SNTG2: variants seen among roughly 807,000 people sequenced by gnomAD.
SNTG2 encodes syntrophin gamma 2, also known as gamma-2-syntrophin.
Under a neutral mutation model 70.9 loss-of-function variants are expected in SNTG2, and 74 were observed. The ratio of observed to expected loss-of-function variants is 1.04; its 90% CI spans 0.86 to 1.27. SNTG2 has a LOEUF of 1.27. Among genes scored for constraint, SNTG2 ranks in the 50% most tolerant of loss-of-function variants. The probability of loss-of-function intolerance (pLI) is 0.00; values close to 1 mark genes in which losing one functional copy is unlikely to be tolerated. For missense variants in SNTG2, 717 were observed against 690.7 expected, an observed-to-expected ratio of 1.04 and a Z score of -0.43; for synonymous variants, 278 against 273.8, an observed-to-expected ratio of 1.02 and a Z score of -0.15.
intron 1 of SNTG2, among the ~76,000 whole-genome samples, chr2:982,996 GGTCAGGATGAAGAAGCTGCAGAGGTGAT>G (rs1331371574): frequency 2.7e-4 from 40 of 150,196 alleles, no homozygotes; most frequent in East Asian, 1.2e-3. Context: ...CAGGGGTGGT[GGTCAGGATGAAGAAGCTGCAGAGGTGAT>G]GTCAGGATGA....
chr2:1,246,232 A>G (rs910740905), intron 11 of SNTG2, among the ~76,000 whole-genome samples: 2 of 152,252 alleles, frequency 1.3e-5, no homozygotes, highest in Non-Finnish European at 2.9e-5. Context: ...TCCCCGCCCT[A>G]CAAGACAGTG....
At chr2:1,238,191 C>T (rs899720433) in intron 10 of SNTG2, among the ~76,000 whole-genome samples, 174 bp downstream of exon 10, 3 of 152,068 alleles carry the variant, frequency 2.0e-5, no homozygotes, top group Non-Finnish European at 4.4e-5. Flanking sequence ...AGAATGTTTC[C>T]AAATCAAAGA....
intron 16 of SNTG2, chr2:1,341,212 CTG>C (rs1399161413): frequency 6.6e-6 from 1 of 152,190 alleles, no homozygotes; most frequent in Non-Finnish European, 1.5e-5. Flanking sequence ...CCCTTGAACT[CTG>C]TGCTTTCTGT....
intron 7 of SNTG2, among the ~76,000 whole-genome samples, chr2:1,168,123 C>T (rs1269275961): frequency 2.4e-4 from 34 of 140,444 alleles, no homozygotes; most frequent in East Asian, 2.3e-4. Flanking sequence ...GCCTACAGGC[C>T]GCCCACAGAC....
chr2:1,122,926 AAATCAAAAC>A (rs1277320112), intron 4 of SNTG2, among the ~76,000 whole-genome samples: 51 of 112,588 alleles, frequency 4.5e-4, no homozygotes, highest in African/African-American at 2.1e-3. Flanking sequence ...GCTGAAAAAG[AAATCAAAAC>A]AATCCCATTT....
chr2:1,021,955 T>TC (rs56923842), intron 1 of SNTG2, among the ~76,000 whole-genome samples: 2 of 141,846 alleles, frequency 1.4e-5, no homozygotes, highest in Non-Finnish European at 3.1e-5. Context: ...TTTTTTTTTT[T>TC]AGTGAAAACA....
intron 14 of SNTG2, among the ~76,000 whole-genome samples, chr2:1,303,222 T>C (rs1022847339): frequency 6.6e-6 from 1 of 152,220 alleles, no homozygotes; most frequent in Non-Finnish European, 1.5e-5. Context: ...ATGCAACTTT[T>C]AGCAGGATCA....
chr2:1,123,026 T>A (rs1032962017), intron 4 of SNTG2, among the ~76,000 whole-genome samples: 2 of 152,040 alleles, frequency 1.3e-5, no homozygotes, highest in African/African-American at 4.8e-5. Context: ...CAATGAAAAC[T>A]GTAAAATATT....
chr2:1,227,846 G>A (rs943202614), intron 9 of SNTG2, among the ~76,000 whole-genome samples: 1 of 152,208 alleles, frequency 6.6e-6, no homozygotes, highest in Non-Finnish European at 1.5e-5. Context: ...AGTTCTGCTG[G>A]GTGTAAGCGA....
At chr2:1,053,039 C>A (rs1662164749) in intron 1 of SNTG2, among the ~76,000 whole-genome samples, 1 of 152,168 alleles carries the variant, frequency 6.6e-6, no homozygotes, top group African/African-American at 2.4e-5. Flanking sequence ...TTTCCATTGC[C>A]ACATATGTGA....
intron 16 of SNTG2, among the ~76,000 whole-genome samples, chr2:1,331,045 T>C (rs72770680): frequency 0.12 from 18,469 of 152,216 alleles, 1,278 homozygotes; most frequent in Admixed American, 0.2. Flanking sequence ...GGGCAGCAGA[T>C]TGACCATTTC....
chr2:1,105,824 C>T (rs751356902), intron 4 of SNTG2, among the ~76,000 whole-genome samples: 9 of 152,186 alleles, frequency 5.9e-5, no homozygotes, highest in Non-Finnish European at 8.8e-5. Flanking sequence ...CTCCTCCCTG[C>T]TCCGATGCAT....
intron 1 of SNTG2, among the ~76,000 whole-genome samples, chr2:1,071,574 C>T (rs957707383): frequency 8.0e-5 from 12 of 150,706 alleles, no homozygotes; most frequent in Non-Finnish European, 1.0e-4. Context: ...GTGGGTGCAG[C>T]GCACCAGCAC....
At chr2:1,163,098 C>G (rs1375040054) in intron 6 of SNTG2, 3 of 151,560 alleles carry the variant, frequency 2.0e-5, no homozygotes, top group African/African-American at 7.3e-5. Context: ...TGGAAGTGGG[C>G]TTTTGAGGGA....
At chr2:1,200,957 G>C (rs941596336) in intron 8 of SNTG2, among the ~76,000 whole-genome samples, 1 of 151,930 alleles carries the variant, frequency 6.6e-6, no homozygotes, top group Non-Finnish European at 1.5e-5. Flanking sequence ...AGAAATGTAC[G>C]TTAGTACAAC....
chr2:1,121,990 A>G (rs1317624222), intron 4 of SNTG2, among the ~76,000 whole-genome samples: 1 of 152,222 alleles, frequency 6.6e-6, no homozygotes, highest in East Asian at 1.9e-4. Flanking sequence ...TATATGCCAG[A>G]AAATTGGACT....
intron 14 of SNTG2, among the ~76,000 whole-genome samples, chr2:1,301,116 A>G (rs902169009): frequency 2.0e-5 from 3 of 152,052 alleles, no homozygotes; most frequent in Admixed American, 1.3e-4. Context: ...AAGCCTCAGC[A>G]TCCCCCAGAG....
intron 2 of SNTG2, among the ~76,000 whole-genome samples, chr2:1,087,496 T>C (rs1490557058): frequency 6.6e-6 from 1 of 152,208 alleles, no homozygotes; most frequent in East Asian, 1.9e-4. Flanking sequence ...GTATGTGATA[T>C]TGACTTTGCC....
intron 2 of SNTG2, among the ~76,000 whole-genome samples, chr2:1,094,942 G>A (rs113724824): frequency 1.3e-3 from 170 of 130,272 alleles, no homozygotes; most frequent in Middle Eastern, 4.0e-3. Context: ...GACTGCAGGC[G>A]AAGGCCTTAT....
Sources: gnomAD v4.1 joint callset for allele counts (sites outside exome capture counted in the v4.1 genomes callset) on GRCh38, gnomAD v4.1.1 for gene constraint, MANE v1.5 for transcripts, NCBI Gene and HGNC (gene_info 2026-07-23, HGNC 2026-07-21) for gene names.